Variants in HPSE2 observed in about 807,000 individuals in gnomAD.
The protein encoded by HPSE2 is inactive heparanase-2.
A neutral mutation model predicts 60.5 loss-of-function variants in HPSE2; 38 were observed. That is an observed-to-expected ratio of 0.63 (90% confidence interval 0.48 to 0.82). The LOEUF (loss-of-function observed/expected upper bound fraction) is 0.82, where lower values mean the gene tolerates loss of function less well. Among genes scored for constraint, HPSE2 ranks in the 40% least tolerant of loss-of-function variants. HPSE2 has a pLI of 0.00. For synonymous variants in HPSE2, 295 were observed against 293.2 expected, an observed-to-expected ratio of 1.01 and a Z score of -0.06; for missense variants, 713 against 740.4, an observed-to-expected ratio of 0.96 and a Z score of 0.43.
chr10:98,857,489 T>C (rs1952346434), intron 3 of HPSE2, among the ~76,000 whole-genome samples: 1 of 152,078 alleles, frequency 6.6e-6, no homozygotes, highest in Non-Finnish European at 1.5e-5. Flanking sequence ...CACCACAAAC[T>C]TGAATCATTC....
At chr10:98,840,861 A>G (rs565291765) in intron 3 of HPSE2, among the ~76,000 whole-genome samples, 1 of 152,216 alleles carries the variant, frequency 6.6e-6, no homozygotes, top group South Asian at 2.1e-4. Flanking sequence ...TTTAGAGAGA[A>G]AAAAGTTTTA....
At chr10:98,602,732 T>C (rs1945463475) in intron 9 of HPSE2, among the ~76,000 whole-genome samples, 2 of 152,234 alleles carry the variant, frequency 1.3e-5, no homozygotes, top group Non-Finnish European at 2.9e-5. Context: ...CAACAAATGG[T>C]ATTGGGACAA....
At chr10:98,883,460 CAG>C (rs1477685194) in intron 3 of HPSE2, among the ~76,000 whole-genome samples, 2 of 151,974 alleles carry the variant, frequency 1.3e-5, no homozygotes, top group African/African-American at 4.8e-5. Context: ...AGTAATAAAG[CAG>C]AGTTTTTCAA....
intron 11 of HPSE2, among the ~76,000 whole-genome samples, chr10:98,462,959 CTTTTT>C (rs56061368): frequency 4.1e-5 from 6 of 146,594 alleles, no homozygotes; most frequent in East Asian, 2.0e-4. Context: ...CTTATCTCTG[CTTTTT>C]TTTTTTTTTT....
At chr10:98,651,555 C>T (rs1387565608) in intron 6 of HPSE2, among the ~76,000 whole-genome samples, 1 of 152,074 alleles carries the variant, frequency 6.6e-6, no homozygotes, top group Admixed American at 6.6e-5. Context: ...AGAAACGGTA[C>T]CCTAAAATAT....
intron 3 of HPSE2, among the ~76,000 whole-genome samples, chr10:99,023,626 C>T (rs145177558): frequency 6.2e-4 from 94 of 152,256 alleles, no homozygotes; most frequent in Non-Finnish European, 1.1e-3. Context: ...CACTCCAGCT[C>T]CAGCTTTATG....
intron 3 of HPSE2, among the ~76,000 whole-genome samples, chr10:99,099,687 C>T (rs1843868741): frequency 6.6e-6 from 1 of 152,242 alleles, no homozygotes; most frequent in Non-Finnish European, 1.5e-5. Context: ...AACAGACAGA[C>T]TGCCTCCTCA....
At chr10:99,291,442 G>T in the HPSE2 span, among the ~76,000 whole-genome samples, 1 of 152,104 alleles carries the variant, frequency 6.6e-6, no homozygotes. Context: ...AAATTAGCTG[G>T]GTATGGTGGC....
chr10:98,743,789 G>C (rs1243375170), intron 4 of HPSE2, 94 bp downstream of exon 4: 10 of 1,145,498 alleles, frequency 8.7e-6, no homozygotes, highest in Non-Finnish European at 1.3e-5. Flanking sequence ...TCTGGGCCAG[G>C]GTACTAGAGA....
chr10:98,717,628 A>G (rs10883176), intron 5 of HPSE2, among the ~76,000 whole-genome samples: 35,464 of 151,964 alleles, frequency 0.23, 4,766 homozygotes, highest in African/African-American at 0.36. Flanking sequence ...TGGGTGGAGC[A>G]GACAGAACAC....
At chr10:98,933,678 T>C (rs1036101948) in intron 3 of HPSE2, among the ~76,000 whole-genome samples, 1 of 143,832 alleles carries the variant, frequency 7.0e-6, no homozygotes, top group Non-Finnish European at 1.5e-5. Context: ...TAGCTCTTCG[T>C]GTTGAATTGA....
In HPSE2 at chr10:98,560,480, C is replaced by T. The variant is rs1224618810; in HGVS notation, c.1320+54424G>A. Among the ~76,000 whole-genome samples, 10 of 152,374 alleles carry T rather than the reference C, an allele frequency of 6.6e-5. No homozygotes were observed. In the East Asian group the frequency reaches 9.6e-4, roughly 15 times the overall value. On this transcript the variant is annotated intron_variant, in intron 9 of 11. Coordinates refer to ENST00000370552, the MANE Select transcript of HPSE2 (RefSeq NM_021828.5). The stretch of plus-strand genomic sequence containing the variant: ...CATGGCCTGCCACTCCCTTGGGGAT[C>T]TCCTGATGAACCCTAAGCAGCCTGA...
In HPSE2 at chr10:98,675,882, A is replaced by AT. The variant is rs149748391; in HGVS notation, c.1004+18017dup. ...GATATCAAGACCCATCTCTACAAACATTTTTTAAAAAATTAGCTGGTGCAG... is the reference window on the plus strand; with the variant it reads ...GATATCAAGACCCATCTCTACAAACATTTTTTTAAAAAATTAGCTGGTGCAG... On this transcript the variant is annotated intron_variant, in intron 6 of 11. Transcript: ENST00000370552. Among the ~76,000 whole-genome samples, 595 of 152,112 alleles carry AT rather than the reference A, an allele frequency of 3.9e-3. 2 individuals carry two copies. The highest frequency in any genetic ancestry group is 0.013 in the African/African-American group (557 of 41,464).
At chr10:98,716,977 T>C (rs1262711910) in intron 5 of HPSE2, among the ~76,000 whole-genome samples, 1 of 152,084 alleles carries the variant, frequency 6.6e-6, no homozygotes, top group Non-Finnish European at 1.5e-5. Flanking sequence ...GTTTCAGATT[T>C]CCAAGAGAAG....
At chr10:98,705,571 CA>C (rs1477618996) in intron 5 of HPSE2, among the ~76,000 whole-genome samples, 8 of 152,230 alleles carry the variant, frequency 5.3e-5, no homozygotes, top group Admixed American at 5.2e-4. Context: ...GAATAATACG[CA>C]GCCTTAAAAG....
intron 9 of HPSE2, among the ~76,000 whole-genome samples, chr10:98,498,127 G>A (rs553700446): frequency 6.6e-6 from 1 of 152,270 alleles, no homozygotes; most frequent in Admixed American, 6.5e-5. Flanking sequence ...CTCCAACTCG[G>A]ACAGACAAAG....
chr10:98,761,798 T>C (rs961884296), intron 3 of HPSE2, among the ~76,000 whole-genome samples: 55 of 152,238 alleles, frequency 3.6e-4, no homozygotes, highest in African/African-American at 1.3e-3. Context: ...AGTTTCATGG[T>C]CTTATGTTCT....
At chr10:99,307,005 T>G in the HPSE2 span, among the ~76,000 whole-genome samples, 1 of 152,198 alleles carries the variant, frequency 6.6e-6, no homozygotes, top group East Asian at 1.9e-4. Flanking sequence ...CCACCATGCC[T>G]GGCCTTTCTT....
In HPSE2 at chr10:98,942,318, C is replaced by T. The variant is rs532559025; in HGVS notation, c.611-198262G>A. ...AACCTATAAAATGGGAGAAAATTTT[C>T]GCAACCTACTCATCTGACAAAGGGC... On this transcript the variant is annotated intron_variant, in intron 3 of 11. Transcript: ENST00000370552. Among the ~76,000 whole-genome samples, 50 of 143,228 alleles carry T rather than the reference C, an allele frequency of 3.5e-4. 2 individuals carry two copies. The highest frequency in any genetic ancestry group is 1.2e-3 in the East Asian group (6 of 5,034). 94.0% of individuals were successfully genotyped at this position (143,228 alleles called of 152,430 possible).
Sources: gnomAD v4.1 joint callset for allele counts (sites outside exome capture counted in the v4.1 genomes callset) on GRCh38, gnomAD v4.1.1 for gene constraint, MANE v1.5 for transcripts, NCBI Gene and HGNC (gene_info 2026-07-23, HGNC 2026-07-21) for gene names.